Variants in AKAP9 observed in about 807,000 individuals in gnomAD.
AKAP9 encodes the protein A-kinase anchor protein 9.
A neutral mutation model predicts 488.5 loss-of-function variants in AKAP9; 311 were observed. The ratio of observed to expected loss-of-function variants is 0.64; its 90% CI spans 0.58 to 0.70. The LOEUF is 0.70. Ranked by LOEUF, AKAP9 falls within the 30% of genes least tolerant of loss-of-function variation. The pLI, the probability that AKAP9 is intolerant of heterozygous loss-of-function variation, is 0.00. For synonymous variants in AKAP9, 1,462 were observed against 1,483.5 expected, an observed-to-expected ratio of 0.99 and a Z score of 0.33; for missense variants, 4,215 against 4,374.5, an observed-to-expected ratio of 0.96 and a Z score of 1.03.
Position 91,965,513 on chromosome 7 carries a change from T to G in AKAP9, c.49-8198T>G, listed in dbSNP as rs113625705. ...AAAACATGGGAATGCAGCTATCTCC[T>G]TTGTATATTGATTTTCTTTCTTTTG... On this transcript the variant is annotated intron_variant, in intron 1 of 49. Coordinates refer to ENST00000356239, the MANE Select transcript of AKAP9 (RefSeq NM_005751.5). Among the ~76,000 whole-genome samples, 5 of 152,346 alleles carry G rather than the reference T, an allele frequency of 3.3e-5. 1 individual carries two copies. Among genetic ancestry groups the G allele is most frequent in the African/African-American group, 1.2e-4 (5 of 41,594 alleles).
At chr7:92,072,724 T>C (rs1811910022) in intron 28 of AKAP9, among the ~76,000 whole-genome samples, 1 of 152,180 alleles carries the variant, frequency 6.6e-6, no homozygotes, top group Admixed American at 6.5e-5. Flanking sequence ...AAAAGATACG[T>C]TCCATAGGTT....
At chr7:92,084,552 T>A in intron 33 of AKAP9, 88 bp from the exon 34 acceptor site, 1 of 958,930 alleles carries the variant, frequency 1.0e-6, no homozygotes, top group Non-Finnish European at 1.6e-6. Context: ...TTTGATTGAT[T>A]ACAGCACGGG....
intron 28 of AKAP9, among the ~76,000 whole-genome samples, chr7:92,075,090 T>TAA (rs113217081): frequency 2.7e-5 from 4 of 150,764 alleles, no homozygotes; most frequent in Non-Finnish European, 5.9e-5. Flanking sequence ...AGTCAAAAAT[T>TAA]AAAAAAAAAA....
chr7:91,956,633 G>T (rs776679909), intron 1 of AKAP9, among the ~76,000 whole-genome samples: 1 of 152,022 alleles, frequency 6.6e-6, no homozygotes, highest in Non-Finnish European at 1.5e-5. Context: ...TACTTTCTGT[G>T]TATATAGACA....
chr7:92,068,389 A>T (rs1252251339), intron 26 of AKAP9, among the ~76,000 whole-genome samples: 1 of 150,006 alleles, frequency 6.7e-6, no homozygotes, highest in African/African-American at 2.5e-5. Flanking sequence ...AAAAAAAAAG[A>T]AAAAAGTTAT....
intron 13 of AKAP9, 62 bp from the exon 14 acceptor site, chr7:92,022,752 G>A: frequency 9.4e-7 from 1 of 1,066,596 alleles, no homozygotes; most frequent in Non-Finnish European, 1.4e-6. Flanking sequence ...CACAGTGATT[G>A]TGCTATTTCA....
Position 91,973,869 on chromosome 7 carries a change from T to C in AKAP9, c.207T>C (p.Ser69=). 6.2e-7 allele frequency: 1 copy of C among 1,614,096 alleles called. No individual in the cohort carries two copies. Among genetic ancestry groups the C allele is most frequent in the Non-Finnish European group, 8.5e-7 (1 of 1,179,984 alleles). ...AGTGTAATGAAATGTACATAAATAGTTCTCAGAGAGTAGAATCAACTGTGA... is the reference window on the plus strand; with the variant it reads ...AGTGTAATGAAATGTACATAAATAGCTCTCAGAGAGTAGAATCAACTGTGA... The part of the protein sequence containing the change: ...QSQCNEMYIN[S]SQRVESTVIP... The change falls in exon 2 of 50, where the codon AGT becomes AGC. Residue 69 remains serine, a synonymous_variant. Transcript: ENST00000356239.
chr7:92,021,772 T>C (rs1320538853), intron 12 of AKAP9, among the ~76,000 whole-genome samples: 1 of 152,194 alleles, frequency 6.6e-6, no homozygotes, highest in Non-Finnish European at 1.5e-5. Flanking sequence ...ATTTTCATTA[T>C]TTTCTTTTCT....
At position 92,082,600 on chromosome 7, in the gene AKAP9, G is replaced by A; in HGVS notation, c.8098G>A (p.Ala2700Thr). 4 of 1,613,978 alleles carry A rather than the reference G, an allele frequency of 2.5e-6. No individual in the cohort carries two copies. The highest frequency in any genetic ancestry group is 2.5e-6 in the Non-Finnish European group (3 of 1,179,958). The change falls in exon 32 of 50, where the codon GCT becomes ACT. Residue 2700 changes from alanine (A) to threonine (T), a missense_variant. Physicochemically the swap from Ala to Thr is moderately conservative, Grantham distance 58 (BLOSUM62 0). Coordinates refer to ENST00000356239, the MANE Select transcript of AKAP9 (RefSeq NM_005751.5). ...ELEALRAESV[A>T]TKAELASYKE... ...CGAGGCTCTTAGAGCTGAATCAGTGGCTACCAAAGCAGAACTTGCCAGTTA... is the reference window on the plus strand; with the variant it reads ...CGAGGCTCTTAGAGCTGAATCAGTGACTACCAAAGCAGAACTTGCCAGTTA...
At chr7:91,992,431 A>T (rs1255098764) in intron 4 of AKAP9, among the ~76,000 whole-genome samples, 1 of 152,128 alleles carries the variant, frequency 6.6e-6, no homozygotes, top group African/African-American at 2.4e-5. Context: ...TGGGAGGCCG[A>T]GGCAGGTGGA....
chr7:92,067,185 A>G (rs979836429), intron 26 of AKAP9, among the ~76,000 whole-genome samples: 1 of 152,056 alleles, frequency 6.6e-6, no homozygotes, highest in Non-Finnish European at 1.5e-5. Context: ...TTTCCTATTT[A>G]TAGCCTCTTC....
intron 45 of AKAP9, 65 bp from the exon 46 acceptor site, chr7:92,102,529 T>C: frequency 7.2e-7 from 1 of 1,379,362 alleles, no homozygotes; most frequent in Non-Finnish European, 1.0e-6. Flanking sequence ...CTAGGTTATT[T>C]TCCCCTAGAG....
intron 1 of AKAP9, among the ~76,000 whole-genome samples, chr7:91,950,555 G>A (rs1792109697): frequency 6.6e-6 from 1 of 152,162 alleles, no homozygotes. Context: ...ATTCAAGTTA[G>A]TATTGCCTTA....
Position 92,070,306 on chromosome 7 carries a change from C to T in AKAP9, c.6507+100C>T, listed in dbSNP as rs956328603. Reference sequence around the variant, plus strand: ...GTATTATTACATATTATGTTTATATCTCTGTTGACATTGTAACCATTTCTG... The same window carrying T: ...GTATTATTACATATTATGTTTATATTTCTGTTGACATTGTAACCATTTCTG... On this transcript the variant is annotated intron_variant, in intron 27 of 49. Transcript: ENST00000356239. 4.7e-6 allele frequency: 6 copies of T among 1,274,510 alleles called. No individual in the cohort carries two copies. In the Admixed American group the frequency reaches 1.0e-4, roughly 22 times the overall value. 79.0% of individuals were successfully genotyped at this position (1,274,510 alleles called of 1,614,324 possible).
intron 22 of AKAP9, among the ~76,000 whole-genome samples, chr7:92,060,363 C>A (rs1809558846): frequency 6.6e-6 from 1 of 152,036 alleles, no homozygotes. Context: ...ATGATTTCTT[C>A]TTACAATTTT....
chr7:92,034,557 A>G (rs1804887138), intron 16 of AKAP9, among the ~76,000 whole-genome samples: 1 of 134,992 alleles, frequency 7.4e-6, no homozygotes, highest in East Asian at 2.2e-4. Flanking sequence ...GCTGGAGTGC[A>G]GTGGCACAAT....
rs756662524 is a variant in AKAP9 at position 92,062,493 on chromosome 7, A to G, written c.5977+7A>G. ...GCAGGCCCAGTTGAACAACGTAAGT[A>G]TTTTCAGAATTTGTATGAAACAGTC... On this transcript the variant is annotated splice_region_variant and intron_variant, in intron 24 of 49. Coordinates refer to ENST00000356239, the MANE Select transcript of AKAP9 (RefSeq NM_005751.5). 3.1e-6 allele frequency: 5 copies of G among 1,610,980 alleles called. No homozygotes were observed. The highest frequency in any genetic ancestry group is 4.5e-5 in the East Asian group (2 of 44,818).
rs191478135 is a variant in AKAP9, at chr7:92,047,859, A to G, written c.5368+2646A>G. Among the ~76,000 whole-genome samples the G allele has an allele frequency of 2.4e-3, 369 of 152,288 alleles. 2 individuals are homozygous for G. The highest frequency in any genetic ancestry group is 8.3e-3 in the African/African-American group (346 of 41,578). ...TGCTAGGATTAGTATCATTGGTTAC[A>G]TTTACTTTCCATTTAGTTAACTCCA... On this transcript the variant is annotated intron_variant, in intron 21 of 49. Transcript: ENST00000356239.
intron 9 of AKAP9, among the ~76,000 whole-genome samples, chr7:92,013,944 T>C (rs1801151817): frequency 1.3e-5 from 2 of 152,112 alleles, no homozygotes; most frequent in Non-Finnish European, 2.9e-5. Flanking sequence ...AGAATAAATA[T>C]TGATTTCTGA....
Sources: allele counts gnomAD v4.1 joint callset (sites outside exome capture counted in the v4.1 genomes callset), GRCh38; gene constraint gnomAD v4.1.1; transcripts MANE v1.5; gene names NCBI Gene and HGNC (gene_info 2026-07-23, HGNC 2026-07-21).